LRP1B: variants seen among roughly 807,000 people sequenced by gnomAD.
LRP1B encodes low-density lipoprotein receptor-related protein 1B.
Under a neutral mutation model 556.6 loss-of-function variants are expected in LRP1B, and 217 were observed. The ratio of observed to expected loss-of-function variants is 0.39; its 90% CI spans 0.35 to 0.44. The LOEUF is 0.44. Ranked by LOEUF, LRP1B falls within the 20% of genes least tolerant of loss-of-function variation. LRP1B has a pLI of 1.00. For synonymous variants in LRP1B, 2,047 were observed against 1,865.8 expected (o/e 1.10, Z -2.50); for missense variants, 5,053 against 5,620.8 (o/e 0.90, Z 3.23).
intron 1 of LRP1B, among the ~76,000 whole-genome samples, chr2:141,923,102 A>C (rs1574495584): frequency 6.6e-6 from 1 of 152,108 alleles, no homozygotes; most frequent in African/African-American, 2.4e-5. Context: ...CTGTCTCAAA[A>C]ATAAAGATTA....
intron 3 of LRP1B, among the ~76,000 whole-genome samples, chr2:141,469,638 G>T (rs1682385185): frequency 2.0e-5 from 3 of 152,158 alleles, no homozygotes; most frequent in Admixed American, 2.0e-4. Flanking sequence ...TTACAATTAT[G>T]AAAATATTAG....
At chr2:141,699,187 TG>T (rs762325060) in intron 2 of LRP1B, among the ~76,000 whole-genome samples, 5 of 151,790 alleles carry the variant, frequency 3.3e-5, no homozygotes, top group Non-Finnish European at 5.9e-5. Context: ...TAGAATCATC[TG>T]GGGAGCTTGA....
chr2:141,988,760 A>T (rs1702268042), intron 1 of LRP1B, among the ~76,000 whole-genome samples: 1 of 152,058 alleles, frequency 6.6e-6, no homozygotes, highest in Admixed American at 6.6e-5. Context: ...ATAATCATAT[A>T]ATTTTACCTA....
chr2:141,709,469 G>A (rs1209002906), intron 2 of LRP1B, among the ~76,000 whole-genome samples: 2 of 152,090 alleles, frequency 1.3e-5, no homozygotes, highest in Non-Finnish European at 2.9e-5. Flanking sequence ...AATGGGCAGC[G>A]ATGCATTTTG....
intron 2 of LRP1B, among the ~76,000 whole-genome samples, chr2:141,574,701 A>AAAACC: frequency 6.6e-6 from 1 of 152,278 alleles, no homozygotes; most frequent in East Asian, 1.9e-4. Flanking sequence ...TTATATTAAG[A>AAAACC]AAACCCCAAC....
intron 3 of LRP1B, among the ~76,000 whole-genome samples, chr2:141,261,753 T>C (rs1481446740): frequency 1.3e-5 from 2 of 152,198 alleles, no homozygotes; most frequent in Non-Finnish European, 2.9e-5. Context: ...TAATAATCCA[T>C]GGTATAAACA....
intron 35 of LRP1B, among the ~76,000 whole-genome samples, chr2:140,761,217 C>T (rs1298271612): frequency 6.6e-6 from 1 of 152,150 alleles, no homozygotes; most frequent in Non-Finnish European, 1.5e-5. Flanking sequence ...TTCATTATCA[C>T]ATAGTTTAAG....
At chr2:140,296,983 G>T (rs1356763653) in intron 84 of LRP1B, among the ~76,000 whole-genome samples, 1 of 152,122 alleles carries the variant, frequency 6.6e-6, no homozygotes, top group Non-Finnish European at 1.5e-5. Context: ...ACAAGTGAAG[G>T]TTTTTTCCAG....
chr2:140,665,900 T>C (rs1176678242), intron 41 of LRP1B, among the ~76,000 whole-genome samples: 1 of 152,124 alleles, frequency 6.6e-6, no homozygotes, highest in Non-Finnish European at 1.5e-5. Context: ...AAACAGATAT[T>C]TTTTTCCTTA....
At chr2:141,256,210 G>T (rs1684456753) in intron 3 of LRP1B, among the ~76,000 whole-genome samples, 1 of 151,896 alleles carries the variant, frequency 6.6e-6, no homozygotes, top group Non-Finnish European at 1.5e-5. Flanking sequence ...AATTTGAGTT[G>T]GGACTTAAAA....
intron 45 of LRP1B, 95 bp downstream of exon 45, chr2:140,540,878 G>C (rs1050050646): frequency 1.5e-6 from 2 of 1,322,148 alleles, no homozygotes; most frequent in Non-Finnish European, 1.0e-6. Context: ...TATTAGAAGA[G>C]AGTATAACTT....
At chr2:140,505,718 T>C (rs1477974295) in intron 53 of LRP1B, among the ~76,000 whole-genome samples, 1 of 152,146 alleles carries the variant, frequency 6.6e-6, no homozygotes, top group Non-Finnish European at 1.5e-5. Flanking sequence ...TCATAAAAAC[T>C]GATATCCACT....
At chr2:140,496,449 G>A (rs1251297443) in intron 55 of LRP1B, among the ~76,000 whole-genome samples, 1 of 151,952 alleles carries the variant, frequency 6.6e-6, no homozygotes, top group Non-Finnish European at 1.5e-5. Flanking sequence ...GTAGGTGTCC[G>A]AATAAACAGT....
intron 49 of LRP1B, among the ~76,000 whole-genome samples, chr2:140,520,461 TG>T (rs1209164404): frequency 1.3e-5 from 2 of 151,850 alleles, no homozygotes; most frequent in African/African-American, 4.8e-5. Flanking sequence ...GTTTTGGGGT[TG>T]GGGGATGAGG....
At chr2:140,672,142 G>T (rs1378245230) in intron 41 of LRP1B, among the ~76,000 whole-genome samples, 1 of 152,142 alleles carries the variant, frequency 6.6e-6, no homozygotes, top group Non-Finnish European at 1.5e-5. Flanking sequence ...GACAAGTATA[G>T]GATGCTAGTT....
At chr2:140,317,150 GGTAA>G (rs976748772) in intron 82 of LRP1B, among the ~76,000 whole-genome samples, 1 of 152,022 alleles carries the variant, frequency 6.6e-6, no homozygotes, top group Non-Finnish European at 1.5e-5. Context: ...AATTACAATA[GGTAA>G]GTGATTTTGA....
At chr2:140,462,058 T>C (rs941543300) in intron 60 of LRP1B, among the ~76,000 whole-genome samples, 5 of 152,196 alleles carry the variant, frequency 3.3e-5, no homozygotes, top group Non-Finnish European at 7.3e-5. Context: ...GGTCAACTTA[T>C]GCTTCACCCT....
intron 41 of LRP1B, among the ~76,000 whole-genome samples, chr2:140,633,278 A>G (rs191193439): frequency 1.4e-4 from 22 of 152,210 alleles, no homozygotes; most frequent in Middle Eastern, 3.4e-3. Context: ...GAGTAAATAA[A>G]AATAACAATA....
chr2:141,984,508 T>C (rs6429939), intron 1 of LRP1B, among the ~76,000 whole-genome samples: 131,529 of 151,950 alleles, frequency 0.87, 57,014 homozygotes, highest in East Asian at 0.95. Context: ...AAGGTATGAT[T>C]GAGGAAAAAA....
Sources: allele counts gnomAD v4.1 joint callset (sites outside exome capture counted in the v4.1 genomes callset), GRCh38; gene constraint gnomAD v4.1.1; transcripts MANE v1.5; gene names NCBI Gene and HGNC (gene_info 2026-07-23, HGNC 2026-07-21).